PCSK5: variants seen among roughly 807,000 people sequenced by gnomAD.
PCSK5 encodes proprotein convertase subtilisin/kexin type 5.
PCSK5 carries 129 observed loss-of-function variants against 233.2 expected under a neutral mutation model. That is an observed-to-expected ratio of 0.55 (90% CI 0.48 to 0.64). The LOEUF (loss-of-function observed/expected upper bound fraction) is 0.64, where lower values mean the gene tolerates loss of function less well. Among genes scored for constraint, PCSK5 ranks in the 30% least tolerant of loss-of-function variants. The pLI, the probability that PCSK5 is intolerant of heterozygous loss-of-function variation, is 0.00. For synonymous variants in PCSK5, 825 were observed against 879.2 expected, an observed-to-expected ratio of 0.94 and a Z score of 1.09; for missense variants, 2,076 against 2,430.1, an observed-to-expected ratio of 0.85 and a Z score of 3.06.
intron 24 of PCSK5, among the ~76,000 whole-genome samples, chr9:76,259,462 C>T (rs1827096253): frequency 6.7e-6 from 1 of 148,354 alleles, no homozygotes; most frequent in African/African-American, 2.5e-5. Flanking sequence ...ACACTACACA[C>T]ACACACACAC....
At chr9:76,088,276 G>A (rs1224859547) in intron 7 of PCSK5, among the ~76,000 whole-genome samples, 1 of 152,224 alleles carries the variant, frequency 6.6e-6, no homozygotes, top group Non-Finnish European at 1.5e-5. Context: ...TGGTTGCTGA[G>A]ATCAGCTTTA....
chr9:76,036,806 T>C (rs1159189084), intron 5 of PCSK5, among the ~76,000 whole-genome samples: 1 of 152,250 alleles, frequency 6.6e-6, no homozygotes, highest in East Asian at 1.9e-4. Context: ...ACTAAATTAA[T>C]TGGTGGTCAA....
chr9:75,971,638 A>C (rs1270242183), intron 2 of PCSK5, among the ~76,000 whole-genome samples: 1 of 152,190 alleles, frequency 6.6e-6, no homozygotes, highest in Non-Finnish European at 1.5e-5. Context: ...AACTGGTGTG[A>C]AATGGTATCC....
chr9:76,001,454 C>T (rs1827256779), intron 3 of PCSK5, among the ~76,000 whole-genome samples: 1 of 142,724 alleles, frequency 7.0e-6, no homozygotes, highest in African/African-American at 2.6e-5. Flanking sequence ...TTCAAGTCTG[C>T]TCTACCATCA....
At chr9:76,269,637 CTATAGCTG>C (rs1827446527) in intron 24 of PCSK5, among the ~76,000 whole-genome samples, 1 of 152,194 alleles carries the variant, frequency 6.6e-6, no homozygotes, top group African/African-American at 2.4e-5. Context: ...GCTAAACCTC[CTATAGCTG>C]TAAGCAATAA....
At chr9:75,941,374 T>C (rs998905372) in intron 2 of PCSK5, among the ~76,000 whole-genome samples, 2 of 152,122 alleles carry the variant, frequency 1.3e-5, no homozygotes, top group Non-Finnish European at 2.9e-5. Flanking sequence ...GGTACGTACC[T>C]GAGGCTTTGT....
intron 21 of PCSK5, among the ~76,000 whole-genome samples, chr9:76,228,140 T>G (rs1290709027): frequency 6.6e-6 from 1 of 151,866 alleles, no homozygotes; most frequent in Non-Finnish European, 1.5e-5. Flanking sequence ...TGGCTAACTT[T>G]TGTGTCATTT....
chr9:76,299,800 A>T (rs1480499218), intron 27 of PCSK5, among the ~76,000 whole-genome samples: 1 of 152,190 alleles, frequency 6.6e-6, no homozygotes, highest in East Asian at 1.9e-4. Flanking sequence ...ACGGGCTTTG[A>T]AGGAAGATGA....
intron 24 of PCSK5, among the ~76,000 whole-genome samples, chr9:76,259,679 T>A (rs1305712338): frequency 6.6e-6 from 1 of 152,194 alleles, no homozygotes; most frequent in Non-Finnish European, 1.5e-5. Context: ...GCTTACCACA[T>A]GCAGGTAAGC....
intron 9 of PCSK5, among the ~76,000 whole-genome samples, chr9:76,121,040 A>C (rs1439691911): frequency 6.6e-6 from 1 of 152,112 alleles, no homozygotes; most frequent in Non-Finnish European, 1.5e-5. Context: ...TTAACCCTTC[A>C]AAAAATGTTA....
At chr9:76,146,576 G>A (rs1056645692) in intron 10 of PCSK5, among the ~76,000 whole-genome samples, 3 of 151,532 alleles carry the variant, frequency 2.0e-5, no homozygotes, top group African/African-American at 7.3e-5. Context: ...GTTTTAATGA[G>A]TTCTGAAGTT....
chr9:76,095,101 T>C (rs1233124990), intron 7 of PCSK5, among the ~76,000 whole-genome samples: 1 of 152,254 alleles, frequency 6.6e-6, no homozygotes, highest in East Asian at 1.9e-4. Flanking sequence ...AGTTTTGCAA[T>C]GAAGAGGCTC....
Position 76,119,977 on chromosome 9 carries a change from C to A in PCSK5, c.1208+12626C>A, listed in dbSNP as rs371452804. 1.2e-4 allele frequency among the ~76,000 whole-genome samples: 18 copies of A among 152,118 alleles called. No individual in the cohort carries two copies. The South Asian group carries it at 3.7e-3, about 32-fold the overall frequency. Reference sequence around the variant, plus strand: ...ACCACCCTTCCCAGCCTCTGGTAACCTTTCTTCTACTTTCTATATTCATAA... The same window carrying A: ...ACCACCCTTCCCAGCCTCTGGTAACATTTCTTCTACTTTCTATATTCATAA... On this transcript the variant is annotated intron_variant, in intron 9 of 37. Transcript: ENST00000674117.
intron 8 of PCSK5, among the ~76,000 whole-genome samples, chr9:76,096,601 CTTT>C (rs756676487): frequency 2.1e-5 from 3 of 141,028 alleles, no homozygotes; most frequent in Admixed American, 7.1e-5. Flanking sequence ...AGGTGCGTTT[CTTT>C]TTTTTTTTTT....
chr9:76,179,829 A>G lies in PCSK5; in HGVS notation c.2003+131A>G, dbSNP rs564532557. 14 of 633,114 alleles carry G rather than the reference A, an allele frequency of 2.2e-5. No homozygotes were observed. The East Asian group carries it at 3.1e-4, about 14-fold the overall frequency. 39.2% of individuals were successfully genotyped at this position (633,114 alleles called of 1,614,324 possible). The stretch of plus-strand genomic sequence containing the variant: ...TATTCTCCCACCAGGACCGAAACAT[A>G]GAAAAGAGGCTGCTGTGCAGGCCGA... On this transcript the variant is annotated intron_variant, in intron 15 of 37. Coordinates refer to ENST00000674117, the MANE Select transcript of PCSK5 (RefSeq NM_001372043.1).
At chr9:76,059,143 T>C (rs1829935659) in intron 5 of PCSK5, among the ~76,000 whole-genome samples, 2 of 152,222 alleles carry the variant, frequency 1.3e-5, no homozygotes, top group Admixed American at 1.3e-4. Flanking sequence ...GAGAAGGTTA[T>C]GGGAGTCTGA....
intron 1 of PCSK5, among the ~76,000 whole-genome samples, chr9:75,892,648 C>T (rs1330576101): frequency 6.6e-6 from 1 of 152,206 alleles, no homozygotes; most frequent in Non-Finnish European, 1.5e-5. Flanking sequence ...GCGTTCCACG[C>T]CCAGGAACCC....
At chr9:76,095,841 A>T in intron 7 of PCSK5, 49 bp from the exon 8 acceptor site, 1 of 1,553,108 alleles carries the variant, frequency 6.4e-7, no homozygotes, top group Non-Finnish European at 8.9e-7. Context: ...TGACCTCTTC[A>T]TTTAGAGTCA....
intron 24 of PCSK5, among the ~76,000 whole-genome samples, chr9:76,265,482 A>G (rs1827307075): frequency 1.3e-5 from 2 of 152,196 alleles, no homozygotes; most frequent in African/African-American, 4.8e-5. Context: ...ATTGTTCTAG[A>G]TTAGAGGAAA....
Sources: allele counts gnomAD v4.1 joint callset (sites outside exome capture counted in the v4.1 genomes callset), GRCh38; gene constraint gnomAD v4.1.1; transcripts MANE v1.5; gene names NCBI Gene and HGNC (gene_info 2026-07-23, HGNC 2026-07-21).